The following BMAL1 variants were observed in gnomAD, a reference collection of about 807,000 sequenced individuals.
BMAL1 encodes the protein basic helix-loop-helix ARNT-like protein 1.
chr11:13,372,330 A>G, the BMAL1 span: 1 of 1,614,204 alleles, frequency 6.2e-7, no homozygotes, highest in Non-Finnish European at 8.5e-7. Context: ...ACAACCAGTG[A>G]ACGGGGAAAT....
At chr11:13,357,504 CAT>C in the BMAL1 span, among the ~76,000 whole-genome samples, 1 of 152,220 alleles carries the variant, frequency 6.6e-6, no homozygotes, top group Admixed American at 6.5e-5. The surrounding 1 kb of genome is among the most constrained non-coding windows in gnomAD (Gnocchi z 4.8). Flanking sequence ...GAATGCACCA[CAT>C]GGGGCATGCT....
the BMAL1 span, chr11:13,372,354 A>G: frequency 6.2e-7 from 1 of 1,614,160 alleles, no homozygotes. Flanking sequence ...GGTGAAATCT[A>G]TGGAATATGT....
chr11:13,374,971 C>T, the BMAL1 span, among the ~76,000 whole-genome samples: 1 of 152,194 alleles, frequency 6.6e-6, no homozygotes, highest in African/African-American at 2.4e-5. Context: ...TCACTGGCCT[C>T]TCCCCAACCA....
At chr11:13,362,730 A>G in the BMAL1 span, among the ~76,000 whole-genome samples, 1 of 152,120 alleles carries the variant, frequency 6.6e-6, no homozygotes, top group Non-Finnish European at 1.5e-5. Flanking sequence ...CTGAGGTTAA[A>G]ATATGACCGA....
chr11:13,380,742 C>A, the BMAL1 span: 4 of 162,188 alleles, frequency 2.5e-5, no homozygotes, highest in Non-Finnish European at 5.4e-5. Context: ...TAGAAGTTCT[C>A]CTCCAATTCA....
chr11:13,378,008 T>TA, the BMAL1 span, among the ~76,000 whole-genome samples: 2 of 152,236 alleles, frequency 1.3e-5, no homozygotes, highest in Non-Finnish European at 2.9e-5. Context: ...GTTTTCCTGT[T>TA]AAACTGTGAG....
the BMAL1 span, among the ~76,000 whole-genome samples, chr11:13,350,753 CATT>C: frequency 1.3e-5 from 2 of 151,954 alleles, no homozygotes. Flanking sequence ...TTAAAAAAAT[CATT>C]AAAATCTTAG....
the BMAL1 span, among the ~76,000 whole-genome samples, chr11:13,287,893 A>G: frequency 6.6e-6 from 1 of 152,374 alleles, no homozygotes; most frequent in East Asian, 1.9e-4. Context: ...TCTATATGCC[A>G]AGAATGTTAC....
the BMAL1 span, among the ~76,000 whole-genome samples, chr11:13,303,443 G>A: frequency 6.6e-6 from 1 of 152,216 alleles, no homozygotes; most frequent in Non-Finnish European, 1.5e-5. Flanking sequence ...GGTCAGATGG[G>A]AAGTGGGAGG....
the BMAL1 span, among the ~76,000 whole-genome samples, chr11:13,286,154 T>A: frequency 6.6e-6 from 1 of 152,244 alleles, no homozygotes; most frequent in African/African-American, 2.4e-5. Flanking sequence ...GCTGAAAACA[T>A]ACTGGTTGGT....
the BMAL1 span, among the ~76,000 whole-genome samples, chr11:13,316,868 G>A: frequency 2.1e-4 from 32 of 152,316 alleles, no homozygotes; most frequent in Admixed American, 6.5e-4. Flanking sequence ...CCTCTAAGAC[G>A]CCTGCTTCAA....
the BMAL1 span, among the ~76,000 whole-genome samples, chr11:13,302,111 G>C: frequency 6.6e-6 from 1 of 152,212 alleles, no homozygotes; most frequent in Non-Finnish European, 1.5e-5. Flanking sequence ...TTGGAGAGGT[G>C]GGGATGGGAG....
At chr11:13,366,779 A>G in the BMAL1 span, 1 of 1,613,370 alleles carries the variant, frequency 6.2e-7, no homozygotes, top group Non-Finnish European at 8.5e-7. Context: ...CATAGATGCA[A>G]AAAGTGAGTA....
chr11:13,285,315 T>C, the BMAL1 span, among the ~76,000 whole-genome samples: 1 of 152,198 alleles, frequency 6.6e-6, no homozygotes, highest in Non-Finnish European at 1.5e-5. Flanking sequence ...GTGAAGTTTA[T>C]TGGATGCCTA....
the BMAL1 span, chr11:13,375,479 A>G: frequency 1.6e-6 from 1 of 642,168 alleles, no homozygotes; most frequent in South Asian, 2.5e-5. Flanking sequence ...AGTGTTGACC[A>G]CTGCAGTTTC....
the BMAL1 span, among the ~76,000 whole-genome samples, chr11:13,288,423 TC>T: frequency 0.015 from 340 of 23,130 alleles, 1 homozygote; most frequent in Non-Finnish European, 0.025. Context: ...TCTTTTTTTT[TC>T]TTTTTTTTTT....
chr11:13,382,349 A>C, the BMAL1 span, among the ~76,000 whole-genome samples: 3 of 152,210 alleles, frequency 2.0e-5, no homozygotes, highest in Non-Finnish European at 4.4e-5. Context: ...GTGAACTTGT[A>C]CAACTTTCAA....
the BMAL1 span, among the ~76,000 whole-genome samples, chr11:13,331,851 G>A: frequency 4.7e-4 from 71 of 152,150 alleles, no homozygotes; most frequent in Non-Finnish European, 2.2e-4. Flanking sequence ...GCAGAGGGAC[G>A]TAGGGAAAAC....
At chr11:13,328,291 T>C in the BMAL1 span, among the ~76,000 whole-genome samples, 1 of 152,138 alleles carries the variant, frequency 6.6e-6, no homozygotes, top group Non-Finnish European at 1.5e-5. Context: ...TAAGTGTAAA[T>C]CTCTACTTTT....
Sources: gnomAD v4.1 joint callset for allele counts (sites outside exome capture counted in the v4.1 genomes callset) on GRCh38, gnomAD v4.1.1 for gene constraint, Gnocchi (gnomAD v3.1) non-coding constraint, MANE v1.5 for transcripts, NCBI Gene and HGNC (gene_info 2026-07-23, HGNC 2026-07-21) for gene names.